ATG5: variants seen among roughly 807,000 people sequenced by gnomAD.
ATG5 encodes the protein autophagy related 5.
ATG5 carries 14 observed loss-of-function variants against 36.5 expected under a neutral mutation model. That is an observed-to-expected ratio of 0.38 (90% CI 0.25 to 0.60). The LOEUF (loss-of-function observed/expected upper bound fraction) is 0.60, where lower values mean the gene tolerates loss of function less well. Among genes scored for constraint, ATG5 ranks in the 20% least tolerant of loss-of-function variants. ATG5 has a pLI of 0.60. For missense variants in ATG5, 195 were observed against 326.7 expected (o/e 0.60, Z 3.11); for synonymous variants, 95 against 101.5 (o/e 0.94, Z 0.38).
chr6:106,248,124 A>T, intron 6 of ATG5, 26 bp downstream of exon 6: 1 of 1,516,960 alleles, frequency 6.6e-7, no homozygotes, highest in Non-Finnish European at 9.2e-7. Flanking sequence ...TCATAAATGG[A>T]TGTTTTTTAA....
chr6:106,192,540 T>A (rs1433314380), intron 7 of ATG5, among the ~76,000 whole-genome samples: 1 of 152,162 alleles, frequency 6.6e-6, no homozygotes, highest in Non-Finnish European at 1.5e-5. Flanking sequence ...GGATGATGTA[T>A]CTTTAAGGGA....
At position 106,228,742 on chromosome 6, in the gene ATG5, T is replaced by C. The variant is rs1777546015; in HGVS notation, c.573+19408A>G. The stretch of plus-strand genomic sequence containing the variant: ...TGCTACTCTGGCCTATCCCTTAGAA[T>C]TGGAGGAAAATACTGGGCACCTGTC... On this transcript the variant is annotated intron_variant, in intron 6 of 7. Coordinates refer to ENST00000369076, the MANE Select transcript of ATG5 (RefSeq NM_004849.4). 2.0e-5 allele frequency among the ~76,000 whole-genome samples: 3 copies of C among 152,132 alleles called. No individual in the cohort carries two copies. In the South Asian group the frequency reaches 6.2e-4, roughly 32 times the overall value.
At chr6:106,298,157 G>A (rs1770047432) in intron 3 of ATG5, among the ~76,000 whole-genome samples, 1 of 151,726 alleles carries the variant, frequency 6.6e-6, no homozygotes, top group Non-Finnish European at 1.5e-5. Context: ...TAGAGATGGG[G>A]TTTCTGTTGG....
chr6:106,324,990 AAT>A (rs1292213670), intron 1 of ATG5, among the ~76,000 whole-genome samples: 1 of 152,236 alleles, frequency 6.6e-6, no homozygotes, highest in East Asian at 1.9e-4. Context: ...ATCTAGAACC[AAT>A]AGTTTCCTAG....
intron 6 of ATG5, among the ~76,000 whole-genome samples, chr6:106,210,930 T>C (rs551617687): frequency 4.6e-5 from 7 of 152,206 alleles, no homozygotes; most frequent in African/African-American, 1.7e-4. Flanking sequence ...AATTCTAATA[T>C]GTATTCTGTA....
chr6:106,227,087 C>T (rs1777480379), intron 6 of ATG5, among the ~76,000 whole-genome samples: 2 of 152,080 alleles, frequency 1.3e-5, no homozygotes, highest in South Asian at 2.1e-4. Context: ...AAAAATTAAT[C>T]TACACATCCA....
chr6:106,222,315 A>G (rs746232505), intron 6 of ATG5, among the ~76,000 whole-genome samples: 1 of 152,184 alleles, frequency 6.6e-6, no homozygotes, highest in Non-Finnish European at 1.5e-5. Context: ...AAATTACCCC[A>G]TATACTACAT....
chr6:106,211,580 T>C (rs1028266166), intron 6 of ATG5, among the ~76,000 whole-genome samples: 4 of 152,098 alleles, frequency 2.6e-5, no homozygotes, highest in African/African-American at 9.7e-5. Flanking sequence ...AGTGGTGGCG[T>C]GCATCTGTAG....
intron 5 of ATG5, among the ~76,000 whole-genome samples, chr6:106,264,013 A>C (rs146617176): frequency 0.086 from 13,024 of 152,222 alleles, 576 homozygotes; most frequent in South Asian, 0.13. Flanking sequence ...TGACAGAAGA[A>C]GGCTTCAGAA....
rs560390391 is a variant in ATG5 at position 106,291,916 on chromosome 6, G to A, written c.315+1112C>T. On this transcript the variant is annotated intron_variant, in intron 4 of 7. Transcript: ENST00000369076. ...AAAGCACATTATAATAAATGTACAC[G>A]GAAATAAGCTCTAATGACCCACAAA... Among the ~76,000 whole-genome samples, 268 of 152,286 alleles carry A rather than the reference G, an allele frequency of 1.8e-3. 2 individuals carry two copies. Among genetic ancestry groups the A allele is most frequent in the African/African-American group, 6.2e-3 (256 of 41,556 alleles).
At chr6:106,297,712 A>T (rs1260083401) in intron 3 of ATG5, among the ~76,000 whole-genome samples, 1 of 141,128 alleles carries the variant, frequency 7.1e-6, no homozygotes, top group Non-Finnish European at 1.5e-5. Context: ...TTGCAAAATG[A>T]CTTAAACACA....
chr6:106,315,288 C>T (rs1770797703), intron 2 of ATG5, among the ~76,000 whole-genome samples: 1 of 152,122 alleles, frequency 6.6e-6, no homozygotes, highest in Non-Finnish European at 1.5e-5. Context: ...TTTTCCACAT[C>T]ATCTCCAGGT....
chr6:106,214,242 A>G (rs1776956907), intron 6 of ATG5, among the ~76,000 whole-genome samples: 1 of 152,218 alleles, frequency 6.6e-6, no homozygotes, highest in African/African-American at 2.4e-5. Flanking sequence ...AATAAAAAGA[A>G]CAGACCATTT....
At chr6:106,196,146 A>C (rs1776179423) in intron 7 of ATG5, among the ~76,000 whole-genome samples, 1 of 152,190 alleles carries the variant, frequency 6.6e-6, no homozygotes, top group Admixed American at 6.6e-5. Context: ...AAAACAAACA[A>C]AATAAAAACA....
In ATG5 at chr6:106,284,233, T is replaced by C. The variant is rs76551838; in HGVS notation, c.316-4410A>G. Among the ~76,000 whole-genome samples, 11 of 152,368 alleles carry C rather than the reference T, an allele frequency of 7.2e-5. No homozygotes were observed. In the East Asian group the frequency reaches 1.9e-3, roughly 27 times the overall value. ...GAACTGCTGTGTAATGTGGTAAGTA[T>C]ATCATTTGATGACATACCAAACTGC... On this transcript the variant is annotated intron_variant, in intron 4 of 7. Transcript: ENST00000369076.
intron 5 of ATG5, among the ~76,000 whole-genome samples, chr6:106,264,730 A>T (rs1013272288): frequency 1.3e-5 from 2 of 152,226 alleles, no homozygotes; most frequent in South Asian, 4.1e-4. Context: ...AGAATTTCAT[A>T]TCCAGCCAAA....
chr6:106,202,645 G>A (rs753005409), intron 6 of ATG5, among the ~76,000 whole-genome samples: 5 of 152,136 alleles, frequency 3.3e-5, no homozygotes, highest in African/African-American at 1.2e-4. Flanking sequence ...GAAGTGCCAT[G>A]ATATCCAAAA....
chr6:106,229,780 TC>T (rs1466003230), intron 6 of ATG5, among the ~76,000 whole-genome samples: 1 of 152,156 alleles, frequency 6.6e-6, no homozygotes, highest in Non-Finnish European at 1.5e-5. Context: ...CCAAATGCAT[TC>T]AATCTGTAGC....
chr6:106,307,733 T>C (rs1582682343), intron 3 of ATG5, among the ~76,000 whole-genome samples: 1 of 151,978 alleles, frequency 6.6e-6, no homozygotes, highest in Non-Finnish European at 1.5e-5. Flanking sequence ...ATGGGGTTTC[T>C]CCATGTTGGT....
Sources: allele counts gnomAD v4.1 joint callset (sites outside exome capture counted in the v4.1 genomes callset), GRCh38; gene constraint gnomAD v4.1.1; transcripts MANE v1.5; gene names NCBI Gene and HGNC (gene_info 2026-07-23, HGNC 2026-07-21).